CYP2C18: variants seen among roughly 807,000 people sequenced by gnomAD.
CYP2C18 encodes cytochrome P450 2C18.
A neutral mutation model predicts 41.3 loss-of-function variants in CYP2C18; 38 were observed. The ratio of observed to expected loss-of-function variants is 0.92; its 90% CI spans 0.71 to 1.21. CYP2C18 has a LOEUF of 1.21. Among genes scored for constraint, CYP2C18 ranks in the 50% most tolerant of loss-of-function variants. CYP2C18 has a pLI of 0.00. For synonymous variants in CYP2C18, 236 were observed against 210.0 expected (o/e 1.12, Z -1.07); for missense variants, 635 against 591.4 (o/e 1.07, Z -0.77).
intron 5 of CYP2C18, among the ~76,000 whole-genome samples, chr10:94,710,169 C>T (rs1847411604): frequency 6.6e-6 from 1 of 152,164 alleles, no homozygotes; most frequent in African/African-American, 2.4e-5. Flanking sequence ...CAGCCTTTCG[C>T]TATTTTGCAC....
Position 94,687,779 on chromosome 10 carries a change from G to A in CYP2C18, c.178G>A (p.Val60Ile). ...MSKSLTNFSK[V>I]YGPVFTVYFG... ...CCTTTTCTATGTTTAGTTCTCAAAA[G>A]TCTATGGCCCTGTGTTCACTGTGTA... The change falls in exon 2 of 9, where the codon GTC becomes ATC. Residue 60 changes from valine (V) to isoleucine (I), a missense_variant. Val to Ile is a conservative substitution (Grantham distance 29). Transcript: ENST00000285979. 6.2e-7 allele frequency: 1 copy of A among 1,612,508 alleles called. No homozygotes were observed.
intron 3 of CYP2C18, among the ~76,000 whole-genome samples, chr10:94,690,379 A>G (rs770042041): frequency 6.6e-6 from 1 of 152,196 alleles, no homozygotes; most frequent in South Asian, 2.1e-4. Context: ...AATGTAACAA[A>G]CTACCAACAG....
In CYP2C18 at chr10:94,695,028, TG is replaced by T. The variant is rs1394512471; in HGVS notation, c.595del (p.Glu199LysfsTer10). 6.2e-7 allele frequency: 1 copy of T among 1,613,286 alleles called. No homozygotes were observed. Among genetic ancestry groups the T allele is most frequent in the Non-Finnish European group, 8.5e-7 (1 of 1,179,896 alleles). On this transcript the variant is annotated frameshift_variant, in exon 4 of 9. Coordinates refer to ENST00000285979, the MANE Select transcript of CYP2C18 (RefSeq NM_000772.3). LOFTEE classifies it high-confidence loss of function. Reference protein sequence around the residue: ...DYKDQRFLNLMEKFNENLRIL... With the variant: ...DYKDQRFLNLXEKFNENLRIL... ...AAAGATCAGAGGTTTCTTAACTTGA[TG>T]GAAAAATTCAATGAAAACCTCAGGA...
At chr10:94,721,717 C>T (rs1366958393) in intron 6 of CYP2C18, among the ~76,000 whole-genome samples, 1 of 152,030 alleles carries the variant, frequency 6.6e-6, no homozygotes, top group African/African-American at 2.4e-5. Context: ...TGGTTTTTGA[C>T]TTTCTATTTT....
At chr10:94,723,133 G>A (rs1847674799) in intron 6 of CYP2C18, among the ~76,000 whole-genome samples, 1 of 152,126 alleles carries the variant, frequency 6.6e-6, no homozygotes, top group African/African-American at 2.4e-5. Context: ...TTGTGTATTT[G>A]TAGATAAAGA....
rs548397942 is a variant in CYP2C18, at chr10:94,714,748, A to C, written c.820-5648A>C. ...TGGTAGCTTGATGGGGATGGCATTG[A>C]ATCTATAAATTACCTTGGGAAGTAT... On this transcript the variant is annotated intron_variant, in intron 5 of 8. Transcript: ENST00000285979. 3.3e-5 allele frequency among the ~76,000 whole-genome samples: 5 copies of C among 152,262 alleles called. No homozygotes were observed. In the South Asian group the frequency reaches 8.3e-4, roughly 25 times the overall value.
intron 4 of CYP2C18, among the ~76,000 whole-genome samples, chr10:94,703,429 G>A (rs932735692): frequency 6.6e-6 from 1 of 152,216 alleles, no homozygotes; most frequent in Non-Finnish European, 1.5e-5. Context: ...CAGATGCCAT[G>A]CCCAGAGAGG....
At chr10:94,732,617 T>TA (rs1476244807) in intron 7 of CYP2C18, among the ~76,000 whole-genome samples, 1 of 152,030 alleles carries the variant, frequency 6.6e-6, no homozygotes, top group Non-Finnish European at 1.5e-5. Flanking sequence ...GTGGTACAAA[T>TA]ACACCAGGAA....
chr10:94,713,279 C>A (rs1847472633), intron 5 of CYP2C18, among the ~76,000 whole-genome samples: 1 of 151,638 alleles, frequency 6.6e-6, no homozygotes, highest in African/African-American at 2.4e-5. Flanking sequence ...TGTGCTGCAC[C>A]CATTAACTCA....
chr10:94,704,731 C>G (rs555963263), intron 4 of CYP2C18, among the ~76,000 whole-genome samples: 3 of 152,146 alleles, frequency 2.0e-5, no homozygotes, highest in African/African-American at 7.2e-5. Context: ...ATGTTGATAA[C>G]TTTCTAAATT....
At chr10:94,705,498 T>C (rs1045143032) in intron 4 of CYP2C18, among the ~76,000 whole-genome samples, 1 of 152,206 alleles carries the variant, frequency 6.6e-6, no homozygotes, top group Non-Finnish European at 1.5e-5. Flanking sequence ...ATCCTGCACG[T>C]GCACCTTGGA....
intron 3 of CYP2C18, among the ~76,000 whole-genome samples, chr10:94,693,423 G>A (rs1564638439): frequency 6.6e-6 from 1 of 152,248 alleles, no homozygotes; most frequent in African/African-American, 2.4e-5. Flanking sequence ...GCAGAACTAG[G>A]AGCCAATTAA....
intron 5 of CYP2C18, among the ~76,000 whole-genome samples, chr10:94,711,293 C>T (rs1488866633): frequency 6.6e-6 from 1 of 152,076 alleles, no homozygotes. Flanking sequence ...TAATGGCTGG[C>T]CCCATCTTGT....
At chr10:94,690,258 A>C (rs1250677605) in intron 3 of CYP2C18, among the ~76,000 whole-genome samples, 1 of 152,124 alleles carries the variant, frequency 6.6e-6, no homozygotes, top group Non-Finnish European at 1.5e-5. Flanking sequence ...CTCACCTATA[A>C]AGTTCTTGTC....
At position 94,687,843 on chromosome 10, in the gene CYP2C18, A is replaced by T. The variant is rs756868739; in HGVS notation, c.242A>T (p.Glu81Val). 6.2e-6 allele frequency: 10 copies of T among 1,613,840 alleles called. No individual in the cohort carries two copies. In the South Asian group the frequency reaches 8.8e-5, roughly 14 times the overall value. Residue 81 changes from glutamate (E) to valine (V), a missense_variant, in exon 2 of 9, where the codon GAA becomes GTA. Glu to Val is a moderately radical substitution (Grantham distance 121). Coordinates refer to ENST00000285979, the MANE Select transcript of CYP2C18 (RefSeq NM_000772.3). Reference sequence around the variant, plus strand: ...CCCATTGTGGTGTTGCATGGATATGAAGCAGTGAAGGAGGCCCTGATTGAT... The same window carrying T: ...CCCATTGTGGTGTTGCATGGATATGTAGCAGTGAAGGAGGCCCTGATTGAT... ...LKPIVVLHGY[E>V]AVKEALIDHG...
At chr10:94,725,015 A>G (rs1387728637) in intron 7 of CYP2C18, among the ~76,000 whole-genome samples, 1 of 150,270 alleles carries the variant, frequency 6.7e-6, no homozygotes, top group Non-Finnish European at 1.5e-5. Flanking sequence ...TTTCTCATGT[A>G]TTACGTTTTT....
intron 4 of CYP2C18, among the ~76,000 whole-genome samples, chr10:94,695,451 G>A (rs1157723103): frequency 1.3e-5 from 2 of 152,142 alleles, no homozygotes; most frequent in Non-Finnish European, 1.5e-5. Context: ...CTTCATCCAT[G>A]TCCCGGCCAA....
At chr10:94,704,888 A>T (rs1399152683) in intron 4 of CYP2C18, among the ~76,000 whole-genome samples, 2 of 152,088 alleles carry the variant, frequency 1.3e-5, no homozygotes, top group African/African-American at 4.8e-5. Flanking sequence ...TTGTCTTAGG[A>T]GATTTTTGAG....
chr10:94,711,874 C>T (rs1403449037), intron 5 of CYP2C18, among the ~76,000 whole-genome samples: 1 of 151,562 alleles, frequency 6.6e-6, no homozygotes, highest in Admixed American at 6.6e-5. Context: ...CAGAATCTTG[C>T]CCCATTGCCC....
Sources: gnomAD v4.1 joint callset for allele counts (sites outside exome capture counted in the v4.1 genomes callset) on GRCh38, gnomAD v4.1.1 for gene constraint, MANE v1.5 for transcripts, NCBI Gene and HGNC (gene_info 2026-07-23, HGNC 2026-07-21) for gene names.